The following CAMTA1 variants were observed in gnomAD, a reference collection of about 807,000 sequenced individuals.
CAMTA1 encodes calmodulin binding transcription activator 1, also known as calmodulin-binding transcription activator 1.
Under a neutral mutation model 170.9 loss-of-function variants are expected in CAMTA1, and 27 were observed. That is an observed-to-expected ratio of 0.16 (90% CI 0.12 to 0.22). The LOEUF (loss-of-function observed/expected upper bound fraction) is 0.22. CAMTA1 is among the 10% of genes least tolerant of loss of function. The pLI is 1.00. For synonymous variants in CAMTA1, 833 were observed against 891.5 expected (o/e 0.93, Z 1.17); for missense variants, 1,619 against 2,217.2 (o/e 0.73, Z 5.42).
intron 11 of CAMTA1, among the ~76,000 whole-genome samples, chr1:7,702,654 C>T (rs576685995): frequency 1.3e-5 from 2 of 152,298 alleles, no homozygotes; most frequent in East Asian, 3.9e-4. Flanking sequence ...GAGGGCTGTC[C>T]TGCTCTTAGT....
chr1:7,112,630 C>T (rs528009732), intron 4 of CAMTA1, among the ~76,000 whole-genome samples: 6 of 152,360 alleles, frequency 3.9e-5, no homozygotes, highest in Admixed American at 2.0e-4. Context: ...TCCTCCCTCC[C>T]GCTGTGTGTC....
chr1:7,524,524 G>A (rs924456505), intron 6 of CAMTA1, among the ~76,000 whole-genome samples: 3 of 152,070 alleles, frequency 2.0e-5, no homozygotes, highest in South Asian at 2.1e-4. Flanking sequence ...GGGTGAGGGC[G>A]GTGCAAGCAG....
At chr1:7,182,784 A>G (rs578082215) in intron 4 of CAMTA1, among the ~76,000 whole-genome samples, 2 of 152,354 alleles carry the variant, frequency 1.3e-5, no homozygotes, top group South Asian at 4.1e-4. Context: ...CAAGACATGA[A>G]AGATAATTCA....
At chr1:7,737,121 T>C in intron 14 of CAMTA1, 112 bp downstream of exon 14, 1 of 1,323,974 alleles carries the variant, frequency 7.6e-7, no homozygotes, top group Middle Eastern at 2.1e-4. Flanking sequence ...CGGAGATACT[T>C]TGGGATGGGA....
At chr1:7,441,744 G>A (rs1385016305) in intron 5 of CAMTA1, among the ~76,000 whole-genome samples, 3 of 152,156 alleles carry the variant, frequency 2.0e-5, no homozygotes, top group Non-Finnish European at 4.4e-5. Context: ...GGGGACGGCT[G>A]GCAGGAAGCT....
intron 5 of CAMTA1, among the ~76,000 whole-genome samples, chr1:7,290,147 A>G (rs566373402): frequency 2.0e-5 from 3 of 152,340 alleles, no homozygotes; most frequent in African/African-American, 7.2e-5. Flanking sequence ...TACAATTGCC[A>G]TGAAAATGTG....
rs182298023 is a variant in CAMTA1 at position 7,355,863 on chromosome 1, G to A, written c.438+106237G>A. Among the ~76,000 whole-genome samples, 13 of 152,312 alleles carry A rather than the reference G, an allele frequency of 8.5e-5. No individual in the cohort carries two copies. In the East Asian group the frequency reaches 2.5e-3, roughly 29 times the overall value. ...CGTTGCACATCTGTTCCCACCCCAG[G>A]GCCTTTGCACATGCTTTTCCCTCTG... is the stretch of plus-strand genomic sequence containing the variant. On this transcript the variant is annotated intron_variant, in intron 5 of 22. Transcript: ENST00000303635.
chr1:7,186,902 G>A (rs1003930346), intron 4 of CAMTA1, among the ~76,000 whole-genome samples: 4 of 152,162 alleles, frequency 2.6e-5, no homozygotes, highest in Admixed American at 1.3e-4. Context: ...TCTTCCCGGC[G>A]GGGGCGTGAA....
chr1:7,507,875 G>A (rs1361893895), intron 6 of CAMTA1, among the ~76,000 whole-genome samples: 5 of 152,196 alleles, frequency 3.3e-5, no homozygotes, highest in African/African-American at 1.2e-4. Flanking sequence ...CTGGGCACTC[G>A]GTGGCCTCCC....
chr1:6,960,001 T>C (rs753237364), intron 3 of CAMTA1, among the ~76,000 whole-genome samples: 80 of 152,218 alleles, frequency 5.3e-4, no homozygotes, highest in Non-Finnish European at 9.7e-4. Context: ...ATAGCAACCC[T>C]GTGATTCCAT....
intron 7 of CAMTA1, among the ~76,000 whole-genome samples, chr1:7,645,298 C>G (rs2095795300): frequency 1.3e-5 from 2 of 152,220 alleles, no homozygotes; most frequent in Admixed American, 1.3e-4. Context: ...ACCCTTGGCT[C>G]CACTGGAACC....
intron 6 of CAMTA1, among the ~76,000 whole-genome samples, chr1:7,469,818 C>A (rs1398213978): frequency 1.3e-5 from 2 of 152,230 alleles, no homozygotes; most frequent in African/African-American, 4.8e-5. Flanking sequence ...GATGACTTCC[C>A]AAGCTGCATT....
chr1:7,751,985 G>A (rs1490851323), intron 20 of CAMTA1, among the ~76,000 whole-genome samples: 1 of 152,202 alleles, frequency 6.6e-6, no homozygotes, highest in Admixed American at 6.5e-5. Flanking sequence ...CCTTGGGAGA[G>A]TAATTAGGGT....
chr1:7,167,594 T>C (rs1648744433), intron 4 of CAMTA1, among the ~76,000 whole-genome samples: 1 of 152,156 alleles, frequency 6.6e-6, no homozygotes, highest in Admixed American at 6.5e-5. Flanking sequence ...TTCTTGGCCT[T>C]TGCTGTTTCA....
chr1:7,741,874 T>G (rs2096820507), intron 16 of CAMTA1, among the ~76,000 whole-genome samples: 1 of 151,518 alleles, frequency 6.6e-6, no homozygotes, highest in Admixed American at 6.6e-5. Flanking sequence ...CCTGACCTTG[T>G]GATCTGCCTG....
chr1:7,654,949 CACACACAA>C (rs1308241030), intron 7 of CAMTA1, among the ~76,000 whole-genome samples: 1 of 148,082 alleles, frequency 6.8e-6, no homozygotes, highest in Non-Finnish European at 1.5e-5. Flanking sequence ...CACACCTATA[CACACACAA>C]ACACACCCAC....
intron 3 of CAMTA1, among the ~76,000 whole-genome samples, chr1:7,073,692 G>A (rs181332824): frequency 8.3e-4 from 127 of 152,304 alleles, no homozygotes; most frequent in Non-Finnish European, 1.4e-3. Flanking sequence ...TTAAGAATTT[G>A]CCATGGGCTT....
chr1:7,201,720 A>G (rs974734305), intron 4 of CAMTA1, among the ~76,000 whole-genome samples: 24 of 152,190 alleles, frequency 1.6e-4, no homozygotes, highest in African/African-American at 5.1e-4. Flanking sequence ...GGCTTTGCCT[A>G]TTTTTAAATT....
At chr1:7,288,669 G>A (rs538818367) in intron 5 of CAMTA1, among the ~76,000 whole-genome samples, 1 of 152,328 alleles carries the variant, frequency 6.6e-6, no homozygotes, top group African/African-American at 2.4e-5. Context: ...GCATACTGGG[G>A]AAGAGGACTG....
Sources: gnomAD v4.1 joint callset for allele counts (sites outside exome capture counted in the v4.1 genomes callset) on GRCh38, gnomAD v4.1.1 for gene constraint, MANE v1.5 for transcripts, NCBI Gene and HGNC (gene_info 2026-07-23, HGNC 2026-07-21) for gene names.